FLT3: variants seen among roughly 807,000 people sequenced by gnomAD.
The protein encoded by FLT3 is receptor-type tyrosine-protein kinase FLT3.
FLT3 carries 46 observed loss-of-function variants against 126.6 expected under a neutral mutation model. The ratio of observed to expected loss-of-function variants is 0.36; its 90% CI spans 0.29 to 0.46. FLT3 has a LOEUF of 0.46. FLT3 is among the 20% of genes least tolerant of loss of function. The pLI, the probability that FLT3 is intolerant of heterozygous loss-of-function variation, is 1.00. For synonymous variants in FLT3, 404 were observed against 434.4 expected (o/e 0.93, Z 0.87); for missense variants, 1,069 against 1,190.3 (o/e 0.90, Z 1.50).
At chr13:28,018,383 A>G in intron 20 of FLT3, 84 bp downstream of exon 20, 4 of 1,491,170 alleles carry the variant, frequency 2.7e-6, no homozygotes, top group Non-Finnish European at 3.7e-6. Context: ...TCAAAAATGC[A>G]CCACAGTGAG....
At chr13:28,071,279 G>T (rs372718188) in intron 1 of FLT3, among the ~76,000 whole-genome samples, 5 of 151,840 alleles carry the variant, frequency 3.3e-5, no homozygotes, top group East Asian at 1.9e-4. Context: ...CAAAGTGCTG[G>T]GATTACAGGT....
In FLT3 at chr13:28,035,598, G is replaced by C. The variant is rs1873760718; in HGVS notation, c.1494C>G (p.Ser498Arg). ...NRKVFGQWVS[S>R]STLNMSEAIK... is the part of the protein sequence containing the mutation. ...TGGCTTCACTCATGTTTAGAGTACT[G>C]CTCGACACCCACTGTCCAAACACTT... Residue 498 changes from serine (S) to arginine (R), a missense_variant, in exon 12 of 24, where the codon AGC (serine) becomes AGG (arginine). Physicochemically the swap from Ser to Arg is moderately radical, Grantham distance 110. Coordinates refer to ENST00000241453, the MANE Select transcript of FLT3 (RefSeq NM_004119.3). 1.2e-6 allele frequency: 2 copies of C among 1,614,126 alleles called. No homozygotes were observed. The highest frequency in any genetic ancestry group is 1.7e-6 in the Non-Finnish European group (2 of 1,180,028).
chr13:28,027,703 A>G (rs1485396436), intron 16 of FLT3, among the ~76,000 whole-genome samples: 2 of 152,234 alleles, frequency 1.3e-5, no homozygotes, highest in Admixed American at 6.5e-5. Flanking sequence ...CCTTGGGCAC[A>G]TCATTTGGGT....
At chr13:28,054,098 A>G (rs993637090) in intron 4 of FLT3, among the ~76,000 whole-genome samples, 10 of 152,178 alleles carry the variant, frequency 6.6e-5, no homozygotes, top group African/African-American at 2.2e-4. Flanking sequence ...CCTTAATAAC[A>G]TTCTTAAGAG....
intron 23 of FLT3, among the ~76,000 whole-genome samples, chr13:28,006,566 C>T (rs1870915009): frequency 6.6e-6 from 1 of 152,080 alleles, no homozygotes; most frequent in African/African-American, 2.4e-5. Context: ...ATAACACTTC[C>T]AATCTTCCAC....
chr13:28,037,263 G>T lies in FLT3; in HGVS notation c.1231C>A (p.His411Asn). 6.2e-7 allele frequency: 1 copy of T among 1,610,620 alleles called. No homozygotes were observed. The highest frequency in any genetic ancestry group is 2.2e-5 in the East Asian group (1 of 44,856). The stretch of plus-strand genomic sequence containing the variant: ...TGGAATATATATTCTCCTGGCTGGT[G>T]CTTATGATTGCAAAACTTGGATATG... ...YSISKFCNHK[H>N]QPGEYIFHAE... is the part of the protein sequence containing the mutation. Residue 411 changes from histidine (H) to asparagine (N), a missense_variant, in exon 10 of 24, where the codon CAC becomes AAC. Coordinates refer to ENST00000241453, the MANE Select transcript of FLT3 (RefSeq NM_004119.3).
chr13:28,062,163 T>G, intron 2 of FLT3, 94 bp from the exon 3 acceptor site: 12 of 879,084 alleles, frequency 1.4e-5, no homozygotes, highest in Non-Finnish European at 2.0e-5. Flanking sequence ...ATATGCATGC[T>G]GACACACTGC....
At chr13:28,029,341 G>A (rs928202788) in intron 15 of FLT3, among the ~76,000 whole-genome samples, 10 of 152,190 alleles carry the variant, frequency 6.6e-5, no homozygotes, top group Admixed American at 3.3e-4. Context: ...GCAGTGAGCC[G>A]AGATTGAGCC....
At chr13:28,074,910 A>C (rs754029362) in intron 1 of FLT3, among the ~76,000 whole-genome samples, 4 of 152,182 alleles carry the variant, frequency 2.6e-5, no homozygotes, top group African/African-American at 7.2e-5. Flanking sequence ...CTGGGATTAC[A>C]GGTGTGAGCC....
intron 9 of FLT3, among the ~76,000 whole-genome samples, chr13:28,047,639 G>C: frequency 6.6e-6 from 1 of 151,358 alleles, no homozygotes; most frequent in East Asian, 1.9e-4. Context: ...TTGAGCCTGG[G>C]AGGTGGAGGT....
At chr13:28,028,537 A>T (rs1873020188) in intron 15 of FLT3, among the ~76,000 whole-genome samples, 1 of 152,048 alleles carries the variant, frequency 6.6e-6, no homozygotes, top group African/African-American at 2.4e-5. Flanking sequence ...TCTCTACTAA[A>T]AATACAAAAA....
intron 15 of FLT3, among the ~76,000 whole-genome samples, chr13:28,030,042 T>C (rs561356230): frequency 6.6e-6 from 1 of 152,346 alleles, no homozygotes; most frequent in South Asian, 2.1e-4. Context: ...GAACAGACTT[T>C]TTCTTCCAGA....
rs150581819 is a variant in FLT3 at position 28,023,425 on chromosome 13, A to T, written c.2343T>A (p.Asn781Lys). The T allele has an allele frequency of 3.1e-6, 5 of 1,613,884 alleles. No homozygotes were observed. In the East Asian group the frequency reaches 8.9e-5, roughly 29 times the overall value. The stretch of plus-strand genomic sequence containing the variant: ...AAAGAAGATCTTCAAATGTAAGCAC[A>T]TTCAAGTCCTCCTCTTCTTCCAGCC... ...QKRLEEEEDL[N>K]VLTFEDLLCF... is the part of the protein sequence containing the mutation. The change falls in exon 19 of 24, where the codon AAT (asparagine) becomes AAA (lysine). Residue 781 changes from asparagine (N) to lysine (K), a missense_variant. By Grantham distance (94) the Asn-to-Lys change is moderately conservative. Transcript: ENST00000241453.
intron 1 of FLT3, among the ~76,000 whole-genome samples, chr13:28,093,341 G>A (rs989981667): frequency 4.6e-5 from 7 of 151,582 alleles, no homozygotes; most frequent in Admixed American, 2.0e-4. Flanking sequence ...GGATCCCCAC[G>A]TCAGACCAAC....
At chr13:28,093,203 GGTGTTA>G (rs1879236795) in intron 1 of FLT3, among the ~76,000 whole-genome samples, 1 of 151,256 alleles carries the variant, frequency 6.6e-6, no homozygotes, top group Non-Finnish European at 1.5e-5. Context: ...TGGGATTACA[GGTGTTA>G]GCCACCACAC....
In FLT3 at chr13:28,047,800, C is replaced by T. The variant is rs9513000; in HGVS notation, c.1205+475G>A. Among the ~76,000 whole-genome samples the T allele has an allele frequency of 2.6e-5, 4 of 151,916 alleles. No individual in the cohort carries two copies. The South Asian group carries it at 6.2e-4, about 24-fold the overall frequency. ...CTTGCATAGTTTCTCATACAAATCC[C>T]GAGGAAAACAACATTTTCCTTCAGC... is the stretch of plus-strand genomic sequence containing the variant. On this transcript the variant is annotated intron_variant, in intron 9 of 23. Coordinates refer to ENST00000241453, the MANE Select transcript of FLT3 (RefSeq NM_004119.3).
At chr13:28,041,007 C>T (rs1287385717) in intron 9 of FLT3, among the ~76,000 whole-genome samples, 1 of 151,116 alleles carries the variant, frequency 6.6e-6, no homozygotes, top group African/African-American at 2.4e-5. Context: ...AGGTGTTTAA[C>T]CTTCTTTTGC....
chr13:28,084,530 TC>T (rs1247166568), intron 1 of FLT3, among the ~76,000 whole-genome samples: 6 of 152,004 alleles, frequency 3.9e-5, no homozygotes, highest in African/African-American at 1.4e-4. Context: ...ATTATTTTTT[TC>T]TAATTTTTGT....
intron 17 of FLT3, chr13:28,025,545 T>C (rs1166736427): frequency 6.5e-6 from 2 of 308,462 alleles, no homozygotes; most frequent in Non-Finnish European, 1.3e-5. Flanking sequence ...TTTAACCCAA[T>C]TTACAATTTA....
Sources: allele counts gnomAD v4.1 joint callset (sites outside exome capture counted in the v4.1 genomes callset), GRCh38; gene constraint gnomAD v4.1.1; transcripts MANE v1.5; gene names NCBI Gene and HGNC (gene_info 2026-07-23, HGNC 2026-07-21).